The following RHPN2 variants were observed in gnomAD, a reference collection of about 807,000 sequenced individuals.
RHPN2 encodes the protein rhophilin Rho GTPase binding protein 2, also known as rhophilin-2.
In RHPN2, 40 loss-of-function variants were observed where a neutral mutation model predicts 79.0. The ratio of observed to expected loss-of-function variants is 0.51; its 90% CI spans 0.39 to 0.66. RHPN2 has a LOEUF of 0.66. Among genes scored for constraint, RHPN2 ranks in the 30% least tolerant of loss-of-function variants. The pLI is 0.00. For synonymous variants in RHPN2, 285 were observed against 363.5 expected, an observed-to-expected ratio of 0.78 and a Z score of 2.46; for missense variants, 686 against 883.5, an observed-to-expected ratio of 0.78 and a Z score of 2.83.
intron 2 of RHPN2, chr19:33,027,263 A>G (rs1337490476): frequency 1.3e-5 from 2 of 152,540 alleles, no homozygotes; most frequent in Non-Finnish European, 2.9e-5. Flanking sequence ...AAAAAAAAAA[A>G]AAAAAAAAGA....
chr19:32,991,695 C>G lies in RHPN2; in HGVS notation c.1644+128G>C. On this transcript the variant is annotated intron_variant, in intron 13 of 14. Transcript: ENST00000254260. ...AAAGACAGTAAAAATTAATCCTTTT[C>G]TTTTAGGGAATGTAGCACCCATGAG... The G allele has an allele frequency of 3.7e-6, 4 of 1,090,380 alleles. No individual in the cohort carries two copies. The South Asian group carries it at 5.5e-5, about 15-fold the overall frequency. 67.5% of individuals were successfully genotyped at this position (1,090,380 alleles called of 1,614,324 possible). A position where few individuals can be genotyped will look rare whatever the true frequency, so the allele number is the denominator to read the frequency against.
intron 6 of RHPN2, among the ~76,000 whole-genome samples, chr19:33,011,285 G>A (rs372328969): frequency 1.3e-5 from 2 of 152,056 alleles, no homozygotes; most frequent in Admixed American, 6.6e-5. Context: ...TGCCTCACTG[G>A]ATAAGACCTG....
Position 32,994,027 on chromosome 19 carries a change from T to C in RHPN2, c.1447A>G (p.Ile483Val). ...GTCAGCTTGGAGAACTGGGGCAATA[T>C]AATGTCAACCTCTTGCTCAGTTTTA... ...VAKTEQEVDI[I>V]LPQFSKLTVT... is the part of the protein sequence containing the mutation. Residue 483 changes from isoleucine to valine, a missense_variant, in exon 12 of 15, where the codon ATA (isoleucine) becomes GTA (valine). Ile to Val is a conservative substitution (Grantham distance 29, BLOSUM62 3). Coordinates refer to ENST00000254260, the MANE Select transcript of RHPN2 (RefSeq NM_033103.5). 1 of 1,613,026 alleles carries C rather than the reference T, an allele frequency of 6.2e-7. No individual in the cohort carries two copies. Among genetic ancestry groups the C allele is most frequent in the Non-Finnish European group, 8.5e-7 (1 of 1,179,132 alleles).
At chr19:33,060,391 G>T (rs1972269765) in intron 1 of RHPN2, among the ~76,000 whole-genome samples, 2 of 152,096 alleles carry the variant, frequency 1.3e-5, no homozygotes, top group South Asian at 4.1e-4. Flanking sequence ...GCCAGATATT[G>T]CCCTTTCTCC....
chr19:33,064,755 T>TGGGG, intron 1 of RHPN2, 29 bp downstream of exon 1: 232 of 1,427,556 alleles, frequency 1.6e-4, no homozygotes, highest in Middle Eastern at 4.9e-4. Context: ...AGCCCGCAGG[T>TGGGG]CCCCGCCCGC....
chr19:32,996,449 T>A, intron 10 of RHPN2: 2 of 578,366 alleles, frequency 3.5e-6, no homozygotes, highest in South Asian at 3.8e-5. Flanking sequence ...TTATCCCCCT[T>A]AAGAGAATAA....
rs554109211 is a variant in RHPN2 at position 32,999,178 on chromosome 19, T to C, written c.1225+408A>G. On this transcript the variant is annotated intron_variant, in intron 10 of 14. Transcript: ENST00000254260. ...AGGTTAGGGTGGTGGAGGTGAGGTC[T>C]GCACATGGGAAGAGATATTCACACT... Among the ~76,000 whole-genome samples the C allele has an allele frequency of 1.1e-4, 16 of 152,116 alleles. No individual in the cohort carries two copies. The East Asian group carries it at 2.9e-3, about 28-fold the overall frequency.
At position 33,002,950 on chromosome 19, in the gene RHPN2, T is replaced by A. The variant is rs959667835; in HGVS notation, c.811A>T (p.Met271Leu). Residue 271 changes from methionine (M) to leucine (L), a missense_variant, in exon 8 of 15, where the codon ATG (methionine) becomes TTG (leucine). Met to Leu is a conservative substitution (Grantham distance 15). Transcript: ENST00000254260. ...DTFTHTPSYDMSPAMLSVLVK... is the reference protein window; with the variant it reads ...DTFTHTPSYDLSPAMLSVLVK... ...AGCACGCTGAGCATGGCAGGGCTCA[T>A]GTCGTAACTTGGAGTATGGGTAAAT... 20 of 1,613,862 alleles carry A rather than the reference T, an allele frequency of 1.2e-5. No individual in the cohort carries two copies. In the African/African-American group the frequency reaches 2.4e-4, roughly 19 times the overall value.
At chr19:33,024,261 G>A (rs567691077) in intron 3 of RHPN2, among the ~76,000 whole-genome samples, 5 of 151,938 alleles carry the variant, frequency 3.3e-5, no homozygotes, top group South Asian at 2.1e-4. Context: ...GTGAAACCCC[G>A]TCTCTACTAA....
In RHPN2 at chr19:32,997,828, C is replaced by T. The variant is rs538375785; in HGVS notation, c.1226-1608G>A. ...GTGATATGGTCCTTTTTGAGCAGAGCCCTGATTGATGTGAAAGAGCAGCAG... is the reference window on the plus strand; with the variant it reads ...GTGATATGGTCCTTTTTGAGCAGAGTCCTGATTGATGTGAAAGAGCAGCAG... On this transcript the variant is annotated intron_variant, in intron 10 of 14. Coordinates refer to ENST00000254260, the MANE Select transcript of RHPN2 (RefSeq NM_033103.5). Among the ~76,000 whole-genome samples, 4 of 152,270 alleles carry T rather than the reference C, an allele frequency of 2.6e-5. No homozygotes were observed. In the South Asian group the frequency reaches 6.2e-4, roughly 24 times the overall value.
rs56180174 is a variant in RHPN2, at chr19:32,994,396, GAA to G, written c.1421-345_1421-344del. 3.2e-4 allele frequency among the ~76,000 whole-genome samples: 49 copies of G among 151,136 alleles called. 1 individual carries two copies. The highest frequency in any genetic ancestry group is 2.0e-3 in the East Asian group (10 of 5,080). Reference sequence around the variant, plus strand: ...GGGTGACAGAGTCAGACTCCGGGGGGAAAAAAAAAGTGATCCTTGGGAAGGAG... The same window carrying G: ...GGGTGACAGAGTCAGACTCCGGGGGGAAAAAAAGTGATCCTTGGGAAGGAG... On this transcript the variant is annotated intron_variant, in intron 11 of 14. Transcript: ENST00000254260.
At position 32,991,967 on chromosome 19, in the gene RHPN2, G is replaced by T. The variant is rs1232721217; in HGVS notation, c.1500C>A (p.Gly500=). The T allele has an allele frequency of 1.2e-6, 2 of 1,613,872 alleles. No homozygotes were observed. ...LTVTDFFQKL[G]PLSVFSANKR... ...TGTTAGCCGAAAACACAGATAAGGG[G>T]CCCTTTGGAAGAGAGCATCGTTAGG... The change falls in exon 13 of 15, where the codon GGC becomes GGA. Residue 500 remains glycine (G), a splice_region_variant and synonymous_variant. Transcript: ENST00000254260.
intron 1 of RHPN2, among the ~76,000 whole-genome samples, chr19:33,058,451 T>C (rs1047052162): frequency 6.6e-6 from 1 of 152,158 alleles, no homozygotes; most frequent in African/African-American, 2.4e-5. Context: ...GAAGCCTGAC[T>C]TCAGTGGAAA....
At chr19:33,051,101 C>T (rs1355118345) in intron 1 of RHPN2, among the ~76,000 whole-genome samples, 1 of 152,178 alleles carries the variant, frequency 6.6e-6, no homozygotes, top group Non-Finnish European at 1.5e-5. Flanking sequence ...AAGCGATTCT[C>T]CTGTCTCAGC....
At chr19:33,051,386 CA>C (rs2145268576) in intron 1 of RHPN2, 1 of 152,920 alleles carries the variant, frequency 6.5e-6, no homozygotes, top group African/African-American at 2.4e-5. Context: ...AGCACCTAGA[CA>C]AAGCCCACAG....
In RHPN2 at chr19:32,994,019, G is replaced by A; in HGVS notation, c.1455C>T (p.Pro485=). 6.2e-7 allele frequency: 1 copy of A among 1,613,314 alleles called. No individual in the cohort carries two copies. Among genetic ancestry groups the A allele is most frequent in the Non-Finnish European group, 8.5e-7 (1 of 1,179,372 alleles). Residue 485 remains proline, a synonymous_variant, in exon 12 of 15, where the codon CCC becomes CCT. Coordinates refer to ENST00000254260, the MANE Select transcript of RHPN2 (RefSeq NM_033103.5). ...CCGTGACTGTCAGCTTGGAGAACTG[G>A]GGCAATATAATGTCAACCTCTTGCT... ...KTEQEVDIIL[P]QFSKLTVTDF...
At position 33,008,252 on chromosome 19, in the gene RHPN2, T is replaced by G. The variant is rs1971809675; in HGVS notation, c.594-72A>C. 3.0e-6 allele frequency: 3 copies of G among 997,450 alleles called. No individual in the cohort carries two copies. The Admixed American group carries it at 8.5e-5, about 28-fold the overall frequency. The allele number at this position is 997,450 out of a possible 1,614,324, so 61.8% of individuals were successfully genotyped here. On this transcript the variant is annotated intron_variant, in intron 6 of 14. Transcript: ENST00000254260. Reference sequence around the variant, plus strand: ...TAATGCTACAAGTGGAAAAAATTCTTTTTTTTTTTTTTTTTAAGAGTCAAT... The same window carrying G: ...TAATGCTACAAGTGGAAAAAATTCTGTTTTTTTTTTTTTTTAAGAGTCAAT...
At chr19:33,009,646 G>T (rs1253912354) in intron 6 of RHPN2, among the ~76,000 whole-genome samples, 1 of 151,908 alleles carries the variant, frequency 6.6e-6, no homozygotes, top group Non-Finnish European at 1.5e-5. Flanking sequence ...GTAGAGATAG[G>T]GTCTCACTGT....
chr19:33,001,261 C>G (rs990709818), intron 9 of RHPN2, among the ~76,000 whole-genome samples: 15 of 152,186 alleles, frequency 9.9e-5, no homozygotes, highest in African/African-American at 3.6e-4. Context: ...CCTGGCCAGG[C>G]ACCATGGCTC....
Sources: allele counts gnomAD v4.1 joint callset (sites outside exome capture counted in the v4.1 genomes callset), GRCh38; gene constraint gnomAD v4.1.1; transcripts MANE v1.5; gene names NCBI Gene and HGNC (gene_info 2026-07-23, HGNC 2026-07-21).